The following PHLDB2 variants were observed in gnomAD, a reference collection of about 807,000 sequenced individuals.
PHLDB2 encodes the protein pleckstrin homology like domain family B member 2.
In PHLDB2, 71 loss-of-function variants were observed where a neutral mutation model predicts 123.6. That is an observed-to-expected ratio of 0.57 (90% CI 0.47 to 0.70). The LOEUF is 0.70. Ranked by LOEUF, PHLDB2 falls within the 30% of genes least tolerant of loss-of-function variation. The probability of loss-of-function intolerance (pLI) is 0.00; values close to 1 mark genes in which losing one functional copy is unlikely to be tolerated. For missense variants in PHLDB2, 1,446 were observed against 1,519.5 expected, an observed-to-expected ratio of 0.95 and a Z score of 0.80; for synonymous variants, 547 against 541.6, an observed-to-expected ratio of 1.01 and a Z score of -0.14.
rs11927223 is a variant in PHLDB2, at chr3:111,896,992, A to G, written c.1335+11580A>G. Among the ~76,000 whole-genome samples the G allele has an allele frequency of 8.7e-3, 1,319 of 152,296 alleles. 19 individuals carry two copies. The highest frequency in any genetic ancestry group is 0.03 in the African/African-American group (1,263 of 41,568). Reference sequence around the variant, plus strand: ...TCCAATGGTAACATCTTGCCAAACTATAGGACAATGTCAGAGCTAGGATAT... The same window carrying G: ...TCCAATGGTAACATCTTGCCAAACTGTAGGACAATGTCAGAGCTAGGATAT... On this transcript the variant is annotated intron_variant, in intron 2 of 17. Coordinates refer to ENST00000431670, the MANE Select transcript of PHLDB2 (RefSeq NM_001134438.2).
chr3:111,831,009 GAAA>G (rs1559855221), intron 1 of PHLDB2, among the ~76,000 whole-genome samples: 2 of 100,138 alleles, frequency 2.0e-5, no homozygotes, highest in African/African-American at 1.1e-4. Flanking sequence ...AAGAAAGAAA[GAAA>G]GAAAGAAAGA....
chr3:111,885,046 T>G lies in PHLDB2; in HGVS notation c.969T>G (p.Pro323=), dbSNP rs1337206047. 6.2e-7 allele frequency: 1 copy of G among 1,614,184 alleles called. No individual in the cohort carries two copies. The highest frequency in any genetic ancestry group is 1.7e-5 in the Admixed American group (1 of 60,032). The part of the protein sequence containing the change: ...PYKTSASEGN[P]YVSSTLSVPA... ...AAACCTCTGCTTCTGAAGGCAATCC[T>G]TATGTAAGTTCTACCCTCAGTGTCC... is the stretch of plus-strand genomic sequence containing the variant. Residue 323 remains proline (P), a synonymous_variant, in exon 2 of 18, where the codon CCT becomes CCG. Coordinates refer to ENST00000431670, the MANE Select transcript of PHLDB2 (RefSeq NM_001134438.2).
chr3:111,822,045 G>A (rs2062410789), intron 1 of PHLDB2, among the ~76,000 whole-genome samples: 1 of 152,144 alleles, frequency 6.6e-6, no homozygotes, highest in Non-Finnish European at 1.5e-5. Flanking sequence ...TCTACAGGAA[G>A]AGTTTGAATT....
chr3:111,853,837 A>C (rs1159215972), intron 2 of PHLDB2, among the ~76,000 whole-genome samples: 1 of 151,558 alleles, frequency 6.6e-6, no homozygotes, highest in Non-Finnish European at 1.5e-5. Flanking sequence ...GTGCCATTGC[A>C]CTCCAGCCTG....
intron 1 of PHLDB2, among the ~76,000 whole-genome samples, chr3:111,740,742 T>G (rs1295028222): frequency 6.6e-6 from 1 of 151,998 alleles, no homozygotes; most frequent in African/African-American, 2.4e-5. Context: ...TACATTCACT[T>G]AAGGTAGGCT....
intron 1 of PHLDB2, among the ~76,000 whole-genome samples, chr3:111,808,526 G>A (rs996801262): frequency 5.3e-5 from 8 of 151,374 alleles, no homozygotes; most frequent in Non-Finnish European, 7.4e-5. Context: ...TTTGGATTCA[G>A]AGGGTACACA....
rs1265913474 is a variant in PHLDB2 at position 111,887,404 on chromosome 3, A to C, written c.1335+1992A>C. Among the ~76,000 whole-genome samples the C allele has an allele frequency of 5.3e-5, 8 of 152,230 alleles. No individual in the cohort carries two copies. The East Asian group carries it at 1.5e-3, about 29-fold the overall frequency. On this transcript the variant is annotated intron_variant, in intron 2 of 17. Coordinates refer to ENST00000431670, the MANE Select transcript of PHLDB2 (RefSeq NM_001134438.2). ...GGTTGCATGGTCTATTTGTTTGACT[A>C]CATTGTGGTAAAAGGGATGACGGAT... is the stretch of plus-strand genomic sequence containing the variant.
intron 2 of PHLDB2, among the ~76,000 whole-genome samples, chr3:111,897,371 T>TC (rs2066935680): frequency 6.6e-6 from 1 of 152,220 alleles, no homozygotes; most frequent in African/African-American, 2.4e-5. Flanking sequence ...TCTGTTTTTT[T>TC]CCCCATATAA....
At chr3:111,786,231 A>G (rs1457676849) in intron 1 of PHLDB2, among the ~76,000 whole-genome samples, 1 of 152,206 alleles carries the variant, frequency 6.6e-6, no homozygotes, top group African/African-American at 2.4e-5. Context: ...AATGCAATGT[A>G]AATAGTCGTT....
chr3:111,894,141 A>G lies in PHLDB2; in HGVS notation c.1335+8729A>G, dbSNP rs2066674838. Among the ~76,000 whole-genome samples, 3 of 136,376 alleles carry G rather than the reference A, an allele frequency of 2.2e-5. No homozygotes were observed. The South Asian group carries it at 7.3e-4, about 33-fold the overall frequency. The allele number at this position is 136,376 out of a possible 152,430, so 89.5% of individuals were successfully genotyped here. A position where few individuals can be genotyped will look rare whatever the true frequency, so the allele number is the denominator to read the frequency against. On this transcript the variant is annotated intron_variant, in intron 2 of 17. Transcript: ENST00000431670. ...TGATCTCATTGTTCAATTCCCACCT[A>G]TGAGTGAGAATATGCGGTGTTTGGT...
chr3:111,830,955 GAGAAAGAAAGAAAGAAAGAA>G lies in PHLDB2; in HGVS notation c.-48-14807_-48-14788del, dbSNP rs1174297730. ...GAAAGAAAAGAAGGAAAGAAAGAAA[GAGAAAGAAAGAAAGAAAGAA>G]AGAAAGAAAGAAAGAAAGAAAGAAA... On this transcript the variant is annotated intron_variant, in intron 1 of 17. Coordinates refer to the PHLDB2 transcript ENST00000393923. 7.9e-5 allele frequency among the ~76,000 whole-genome samples: 5 copies of G among 63,678 alleles called. 1 individual carries two copies. Among genetic ancestry groups the G allele is most frequent in the African/African-American group, 3.7e-4 (5 of 13,464 alleles). 41.8% of individuals were successfully genotyped at this position (63,678 alleles called of 152,430 possible). A position where few individuals can be genotyped will look rare whatever the true frequency, so the allele number is the denominator to read the frequency against.
At chr3:111,747,274 A>C (rs1485615448) in intron 1 of PHLDB2, among the ~76,000 whole-genome samples, 1 of 152,200 alleles carries the variant, frequency 6.6e-6, no homozygotes, top group South Asian at 2.1e-4. Flanking sequence ...AATACATAAT[A>C]GAATAGAGAG....
intron 1 of PHLDB2, among the ~76,000 whole-genome samples, chr3:111,734,003 C>G (rs1194525385): frequency 6.6e-6 from 1 of 152,018 alleles, no homozygotes; most frequent in East Asian, 1.9e-4. Flanking sequence ...GAAGTGACTC[C>G]CCTCAGGCAG....
chr3:111,830,378 G>A, intron 1 of PHLDB2, among the ~76,000 whole-genome samples: 1 of 151,880 alleles, frequency 6.6e-6, no homozygotes, highest in East Asian at 1.9e-4. Context: ...TATCTTACAT[G>A]CGACATTTTT....
chr3:111,811,241 C>G (rs748681691), intron 1 of PHLDB2, among the ~76,000 whole-genome samples: 6 of 152,106 alleles, frequency 3.9e-5, no homozygotes, highest in Non-Finnish European at 5.9e-5. Context: ...GAAGCTTTAT[C>G]CCATTAAGGA....
chr3:111,885,757 TG>T, intron 2 of PHLDB2: 1 of 600,984 alleles, frequency 1.7e-6, no homozygotes. Flanking sequence ...AATGCTGACT[TG>T]TATTATTTAT....
intron 1 of PHLDB2, among the ~76,000 whole-genome samples, chr3:111,784,953 C>T (rs2108137993): frequency 6.6e-6 from 1 of 152,172 alleles, no homozygotes; most frequent in East Asian, 1.9e-4. Context: ...TAATATTTCA[C>T]TTAGAATAAA....
intron 15 of PHLDB2, 42 bp downstream of exon 15, chr3:111,967,866 T>G (rs1349669440): frequency 6.5e-7 from 1 of 1,529,192 alleles, no homozygotes; most frequent in African/African-American, 1.4e-5. Context: ...GGTTGCCCCC[T>G]GGTGGCAGTT....
rs1362849383 is a variant in PHLDB2 at position 111,975,890 on chromosome 3, C to T, written c.*1327C>T. On this transcript the variant is annotated 3_prime_UTR_variant, in exon 18 of 18. Transcript: ENST00000431670. ...CCTTTATTAAACTTTGTCAGCCTGA[C>T]TGGGTACAATTCTTTTGTTAATTTG... The T allele has an allele frequency of 3.3e-5, 5 of 152,712 alleles. No homozygotes were observed. Among genetic ancestry groups the T allele is most frequent in the African/African-American group, 1.2e-4 (5 of 41,566 alleles). 9.5% of individuals were successfully genotyped at this position (152,712 alleles called of 1,614,324 possible).
Sources: gnomAD v4.1 joint callset for allele counts (sites outside exome capture counted in the v4.1 genomes callset) on GRCh38, gnomAD v4.1.1 for gene constraint, MANE v1.5 for transcripts, NCBI Gene and HGNC (gene_info 2026-07-23, HGNC 2026-07-21) for gene names.